PAX7: variants seen among roughly 807,000 people sequenced by gnomAD.
PAX7 encodes paired box 7, also known as paired box protein Pax-7.
In PAX7, 18 loss-of-function variants were observed where a neutral mutation model predicts 50.7. The ratio of observed to expected loss-of-function variants is 0.36; its 90% CI spans 0.25 to 0.53. PAX7 has a LOEUF of 0.53. Ranked by LOEUF, PAX7 falls within the 20% of genes least tolerant of loss-of-function variation. PAX7 has a pLI of 0.93. For synonymous variants in PAX7, 310 were observed against 290.4 expected (o/e 1.07, Z -0.69); for missense variants, 644 against 702.9 (o/e 0.92, Z 0.95).
At chr1:18,673,090 T>C (rs77178079) in intron 4 of PAX7, among the ~76,000 whole-genome samples, 2,991 of 152,224 alleles carry the variant, frequency 0.02, 94 homozygotes, top group African/African-American at 0.065. Context: ...AAGGGGTCTG[T>C]AGCGTGGGTT....
chr1:18,656,449 G>A (rs1036848622), intron 4 of PAX7, among the ~76,000 whole-genome samples: 21 of 152,194 alleles, frequency 1.4e-4, no homozygotes, highest in African/African-American at 4.6e-4. Flanking sequence ...GCAGCGAGCC[G>A]AGATACCGCC....
At chr1:18,696,274 C>A (rs1315905926) in intron 5 of PAX7, among the ~76,000 whole-genome samples, 3 of 152,086 alleles carry the variant, frequency 2.0e-5, no homozygotes, top group African/African-American at 7.2e-5. Context: ...GCCATGTTGG[C>A]CAGGCTGGTC....
At chr1:18,742,426 G>A (rs1396401525) in intron 8 of PAX7, among the ~76,000 whole-genome samples, 1 of 152,158 alleles carries the variant, frequency 6.6e-6, no homozygotes, top group African/African-American at 2.4e-5. Flanking sequence ...AAAGTGCTGG[G>A]ATTACAGGCA....
intron 8 of PAX7, among the ~76,000 whole-genome samples, chr1:18,738,025 T>C (rs1930891682): frequency 6.6e-6 from 1 of 152,132 alleles, no homozygotes; most frequent in African/African-American, 2.4e-5. Context: ...CTGTGTGCAG[T>C]GTGTAAATAG....
intron 4 of PAX7, among the ~76,000 whole-genome samples, chr1:18,638,596 G>C (rs140050526): frequency 1.3e-5 from 2 of 152,334 alleles, no homozygotes; most frequent in African/African-American, 4.8e-5. Context: ...GGCTGTGTAA[G>C]CGCAAGCATC....
At chr1:18,637,663 G>T (rs2100425736) in intron 4 of PAX7, among the ~76,000 whole-genome samples, 1 of 152,252 alleles carries the variant, frequency 6.6e-6, no homozygotes, top group East Asian at 1.9e-4. Context: ...GACAAAGCCG[G>T]CTTACTAAGA....
intron 4 of PAX7, among the ~76,000 whole-genome samples, chr1:18,646,706 A>G (rs1358406347): frequency 1.3e-5 from 2 of 151,834 alleles, no homozygotes; most frequent in Admixed American, 6.5e-5. Flanking sequence ...GGCTTTGAAG[A>G]GGCGAATGCC....
chr1:18,727,032 A>G (rs573441976), intron 7 of PAX7, among the ~76,000 whole-genome samples: 7 of 152,210 alleles, frequency 4.6e-5, no homozygotes, highest in African/African-American at 1.4e-4. Context: ...CACACACACC[A>G]TGCACACACA....
rs56689867 is a variant in PAX7 at position 18,634,675 on chromosome 1, T to C, written c.321+137T>C. 562 of 673,648 alleles carry C rather than the reference T, an allele frequency of 8.3e-4. 10 individuals are homozygous for C. The East Asian group carries it at 0.012, about 15-fold the overall frequency. The allele number at this position is 673,648 out of a possible 1,614,324, so 41.7% of individuals were successfully genotyped here. On this transcript the variant is annotated intron_variant, in intron 2 of 8. Coordinates refer to ENST00000420770, the MANE Select transcript of PAX7 (RefSeq NM_001135254.2). This position sits in a 1 kb window ranked among gnomAD's most constrained non-coding sequence, Gnocchi z 4.0. ...GGGTGTCTTCTACTCCCAGATGTCC[T>C]CCCATTGTTTTCCTATTATTTGAAT...
At chr1:18,648,245 C>G (rs1023568665) in intron 4 of PAX7, among the ~76,000 whole-genome samples, 7 of 152,074 alleles carry the variant, frequency 4.6e-5, no homozygotes, top group African/African-American at 1.7e-4. Context: ...CACCCCCAGC[C>G]ATCTCCCAGA....
chr1:18,657,311 G>T (rs1413972862), intron 4 of PAX7, among the ~76,000 whole-genome samples: 2 of 151,936 alleles, frequency 1.3e-5, no homozygotes, highest in African/African-American at 4.8e-5. Flanking sequence ...TAAGGGTGGA[G>T]GTCCCTCTGA....
intron 8 of PAX7, among the ~76,000 whole-genome samples, chr1:18,743,562 G>A (rs2100419660): frequency 6.6e-6 from 1 of 152,324 alleles, no homozygotes; most frequent in Admixed American, 6.5e-5. Context: ...TCTTGCTTCT[G>A]GATCCTACAA....
At chr1:18,666,259 G>A (rs2088667864) in intron 4 of PAX7, among the ~76,000 whole-genome samples, 1 of 152,166 alleles carries the variant, frequency 6.6e-6, no homozygotes, top group Admixed American at 6.5e-5. Context: ...AATTTAGAGG[G>A]GAAAAAAATA....
intron 4 of PAX7, among the ~76,000 whole-genome samples, chr1:18,667,488 G>C (rs899545583): frequency 6.6e-6 from 1 of 152,038 alleles, no homozygotes; most frequent in Non-Finnish European, 1.5e-5. Context: ...CAGCAGCCCG[G>C]TAAAAGCGGA....
rs190093961 is a variant in PAX7, at chr1:18,690,143, C to T, written c.587-1611C>T. On this transcript the variant is annotated intron_variant, in intron 4 of 8. Transcript: ENST00000420770. ...AGGTCCTACCTTGCCCACTGCATAC[C>T]TAGCCTCTTCAGGTGCATAGCAGAT... 1.7e-4 allele frequency among the ~76,000 whole-genome samples: 26 copies of T among 152,326 alleles called. No individual in the cohort carries two copies. In the East Asian group the frequency reaches 5.0e-3, roughly 29 times the overall value.
rs368089973 is a variant in PAX7, at chr1:18,690,469, C to T, written c.587-1285C>T. On this transcript the variant is annotated intron_variant, in intron 4 of 8. Transcript: ENST00000420770. ...CTAGCATCCCCTCTGTTGGGTCAGACGTGGGCAGGAGCCACAGGATTGATG... is the reference window on the plus strand; with the variant it reads ...CTAGCATCCCCTCTGTTGGGTCAGATGTGGGCAGGAGCCACAGGATTGATG... 4.8e-4 allele frequency among the ~76,000 whole-genome samples: 73 copies of T among 152,314 alleles called. 1 individual carries two copies. Among genetic ancestry groups the T allele is most frequent in the African/African-American group, 1.7e-3 (69 of 41,584 alleles).
intron 7 of PAX7, among the ~76,000 whole-genome samples, chr1:18,725,503 T>C (rs1252906092): frequency 6.6e-6 from 1 of 152,058 alleles, no homozygotes; most frequent in African/African-American, 2.4e-5. Context: ...TTTCTGTCAC[T>C]TGCTCTCTGT....
chr1:18,705,258 C>T (rs2089269264), intron 7 of PAX7, among the ~76,000 whole-genome samples: 1 of 152,202 alleles, frequency 6.6e-6, no homozygotes, highest in South Asian at 2.1e-4. Flanking sequence ...CTCCATCTCA[C>T]TAGTGCTAAC....
At chr1:18,692,941 C>T (rs1439336295) in intron 5 of PAX7, among the ~76,000 whole-genome samples, 4 of 152,152 alleles carry the variant, frequency 2.6e-5, no homozygotes, top group African/African-American at 9.7e-5. Flanking sequence ...GACATTGCCT[C>T]ACCTCCCCAG....
Sources: allele counts gnomAD v4.1 joint callset (sites outside exome capture counted in the v4.1 genomes callset), GRCh38; gene constraint gnomAD v4.1.1; non-coding constraint Gnocchi (gnomAD v3.1); transcripts MANE v1.5; gene names NCBI Gene and HGNC (gene_info 2026-07-23, HGNC 2026-07-21).